The following SPOPL variants were observed in gnomAD, a reference collection of about 807,000 sequenced individuals.
The protein encoded by SPOPL is speckle type BTB/POZ protein like, also known as speckle-type POZ protein-like.
In SPOPL, 23 loss-of-function variants were observed where a neutral mutation model predicts 53.8. The observed-to-expected ratio is 0.43, with a 90% CI of 0.31 to 0.61. The LOEUF (loss-of-function observed/expected upper bound fraction) is 0.61. Among genes scored for constraint, SPOPL ranks in the 20% least tolerant of loss-of-function variants. SPOPL has a pLI of 0.12. For missense variants in SPOPL, 442 were observed against 466.9 expected, an observed-to-expected ratio of 0.95 and a Z score of 0.49; for synonymous variants, 164 against 149.7, an observed-to-expected ratio of 1.10 and a Z score of -0.70.
intron 10 of SPOPL, among the ~76,000 whole-genome samples, chr2:138,567,033 C>T (rs921134207): frequency 2.0e-5 from 3 of 152,176 alleles, no homozygotes; most frequent in Non-Finnish European, 2.9e-5. Context: ...TTGACAGATA[C>T]TTATCCTTTA....
intron 1 of SPOPL, among the ~76,000 whole-genome samples, chr2:138,525,857 A>G (rs991503763): frequency 1.3e-5 from 2 of 151,362 alleles, no homozygotes; most frequent in East Asian, 3.9e-4. Context: ...AAAAAGTTGT[A>G]ATTGTATCAA....
chr2:138,516,490 C>G (rs1403312402), intron 1 of SPOPL, among the ~76,000 whole-genome samples: 2 of 152,130 alleles, frequency 1.3e-5, no homozygotes, highest in South Asian at 2.1e-4. Flanking sequence ...GAAAAGATTG[C>G]TATAATGTTA....
chr2:138,510,591 C>T (rs1015634251), intron 1 of SPOPL, among the ~76,000 whole-genome samples: 7 of 152,120 alleles, frequency 4.6e-5, no homozygotes, highest in Admixed American at 1.3e-4. Context: ...TATTTTGATG[C>T]TCTGTTGTTA....
In SPOPL at chr2:138,550,299, A is replaced by C; in HGVS notation, c.78+5A>C. The C allele has an allele frequency of 6.2e-7, 1 of 1,613,558 alleles. No individual in the cohort carries two copies. The highest frequency in any genetic ancestry group is 8.5e-7 in the Non-Finnish European group (1 of 1,179,596). On this transcript the variant is annotated splice_donor_5th_base_variant and intron_variant, in intron 2 of 10. Coordinates refer to ENST00000280098, the MANE Select transcript of SPOPL (RefSeq NM_001001664.3). ...GAAAGCTGGTGTTACACACAGGTACATGCTCTTAAAAATCCCTCACTTTAT... is the reference window on the plus strand; with the variant it reads ...GAAAGCTGGTGTTACACACAGGTACCTGCTCTTAAAAATCCCTCACTTTAT...
At chr2:138,526,605 C>A (rs1466205918) in intron 1 of SPOPL, among the ~76,000 whole-genome samples, 1 of 151,220 alleles carries the variant, frequency 6.6e-6, no homozygotes, top group East Asian at 1.9e-4. Context: ...GTGTGCCATA[C>A]AAAAAAATTT....
At chr2:138,554,232 A>C (rs1294543985) in intron 5 of SPOPL, among the ~76,000 whole-genome samples, 2 of 152,030 alleles carry the variant, frequency 1.3e-5, no homozygotes, top group African/African-American at 4.8e-5. Flanking sequence ...GACCCCCAAA[A>C]ACAAAACCCA....
chr2:138,552,022 ACTTT>A (rs1363671245), intron 4 of SPOPL, among the ~76,000 whole-genome samples: 4 of 151,924 alleles, frequency 2.6e-5, no homozygotes, highest in African/African-American at 4.8e-5. Flanking sequence ...ATGATAAAGG[ACTTT>A]CTTTATCTTT....
intron 1 of SPOPL, among the ~76,000 whole-genome samples, chr2:138,506,960 A>G (rs1350064219): frequency 6.6e-6 from 1 of 152,186 alleles, no homozygotes; most frequent in Non-Finnish European, 1.5e-5. Context: ...GCTGAGAAGG[A>G]AGAAGCTAGA....
chr2:138,541,413 A>G (rs1434577917), intron 1 of SPOPL, among the ~76,000 whole-genome samples: 1 of 152,130 alleles, frequency 6.6e-6, no homozygotes, highest in Non-Finnish European at 1.5e-5. Context: ...TAATGCCTCA[A>G]TTTCAGAGCC....
In SPOPL at chr2:138,550,228, A is replaced by G. The variant is rs368194063; in HGVS notation, c.12A>G (p.Glu4=). Residue 4 remains glutamate, a synonymous_variant, in exon 2 of 11, where the codon GAA becomes GAG. Transcript: ENST00000280098. The part of the protein sequence containing the change: MSR[E]PTPPLPGDMS... ...ACAATAAAGTGGTGATGTCTCGGGA[A>G]CCCACCCCACCTCTACCTGGAGATA... 6.2e-7 allele frequency: 1 copy of G among 1,613,556 alleles called. No homozygotes were observed. Among genetic ancestry groups the G allele is most frequent in the Non-Finnish European group, 8.5e-7 (1 of 1,179,626 alleles).
intron 7 of SPOPL, among the ~76,000 whole-genome samples, chr2:138,559,542 A>G (rs1378735580): frequency 6.6e-6 from 1 of 152,174 alleles, no homozygotes; most frequent in Admixed American, 6.5e-5. Context: ...GAGAACAGCT[A>G]TTTTTTATGC....
rs1041856585 is a variant in SPOPL at position 138,560,893 on chromosome 2, A to G, written c.803A>G (p.Lys268Arg). 5.6e-6 allele frequency: 9 copies of G among 1,610,648 alleles called. No homozygotes were observed. The East Asian group carries it at 1.8e-4, about 32-fold the overall frequency. ...ACAGGGAGAGCACCAAACCTTGACA[A>G]AATGGCTGACAACTTGTTGGCAGCT... ...IYTGRAPNLDKMADNLLAAAD... is the reference protein window; with the variant it reads ...IYTGRAPNLDRMADNLLAAAD... The change falls in exon 8 of 11, where the codon AAA becomes AGA. Residue 268 changes from lysine to arginine, a missense_variant. Coordinates refer to ENST00000280098, the MANE Select transcript of SPOPL (RefSeq NM_001001664.3).
chr2:138,540,958 G>A (rs980925069), intron 1 of SPOPL, among the ~76,000 whole-genome samples: 6 of 152,158 alleles, frequency 3.9e-5, no homozygotes, highest in African/African-American at 1.2e-4. Flanking sequence ...ATGAAGGGTT[G>A]TTGAATTTTG....
chr2:138,548,318 G>A lies in SPOPL; in HGVS notation c.-60-1839G>A, dbSNP rs927459183. On this transcript the variant is annotated intron_variant, in intron 1 of 10. Coordinates refer to ENST00000280098, the MANE Select transcript of SPOPL (RefSeq NM_001001664.3). ...TCATCATTTTTGTGTGTGTGTGAAT[G>A]TTTTTGAAATCAATGCAAGTTGCCA... Among the ~76,000 whole-genome samples the A allele has an allele frequency of 2.2e-5, 3 of 139,380 alleles. No homozygotes were observed. The South Asian group carries it at 6.7e-4, about 31-fold the overall frequency. 91.4% of individuals were successfully genotyped at this position (139,380 alleles called of 152,430 possible). A position where few individuals can be genotyped will look rare whatever the true frequency, so the allele number is the denominator to read the frequency against.
At chr2:138,521,241 T>C (rs1223015201) in intron 1 of SPOPL, among the ~76,000 whole-genome samples, 4 of 152,206 alleles carry the variant, frequency 2.6e-5, no homozygotes, top group Non-Finnish European at 5.9e-5. Flanking sequence ...GGACAGAGTT[T>C]AGCAATTCTT....
At chr2:138,540,246 T>C (rs71419592) in intron 1 of SPOPL, among the ~76,000 whole-genome samples, 23,041 of 152,156 alleles carry the variant, frequency 0.15, 2,009 homozygotes, top group African/African-American at 0.23. Context: ...TTTGGTTCCA[T>C]ATGAACTTGA....
intron 1 of SPOPL, among the ~76,000 whole-genome samples, chr2:138,546,126 A>G (rs1685190041): frequency 6.6e-6 from 1 of 152,232 alleles, no homozygotes; most frequent in South Asian, 2.1e-4. Context: ...GTGTGTCTAT[A>G]TGACATATAT....
At chr2:138,555,236 A>T (rs1685399165) in intron 5 of SPOPL, among the ~76,000 whole-genome samples, 1 of 151,888 alleles carries the variant, frequency 6.6e-6, no homozygotes, top group Admixed American at 6.6e-5. Flanking sequence ...ATGAGGTTAG[A>T]GTCCTCATAA....
intron 8 of SPOPL, among the ~76,000 whole-genome samples, chr2:138,562,893 T>TTC (rs1325347545): frequency 6.6e-6 from 1 of 151,964 alleles, no homozygotes; most frequent in Middle Eastern, 3.2e-3. Context: ...AGGCAGAGAT[T>TTC]TCTTAGCTGT....
Sources: gnomAD v4.1 joint callset for allele counts (sites outside exome capture counted in the v4.1 genomes callset) on GRCh38, gnomAD v4.1.1 for gene constraint, MANE v1.5 for transcripts, NCBI Gene and HGNC (gene_info 2026-07-23, HGNC 2026-07-21) for gene names.